Variants in SYT1 observed in about 807,000 individuals in gnomAD.
SYT1 encodes synaptotagmin-1.
In SYT1, 8 loss-of-function variants were observed where a neutral mutation model predicts 44.8. That is an observed-to-expected ratio of 0.18 (90% CI 0.10 to 0.32). The LOEUF (loss-of-function observed/expected upper bound fraction) is 0.32. Ranked by LOEUF, SYT1 falls within the 10% of genes least tolerant of loss-of-function variation. The pLI, the probability that SYT1 is intolerant of heterozygous loss-of-function variation, is 1.00. For synonymous variants in SYT1, 154 were observed against 188.8 expected, an observed-to-expected ratio of 0.82 and a Z score of 1.51; for missense variants, 286 against 509.3, an observed-to-expected ratio of 0.56 and a Z score of 4.22.
At chr12:79,442,895 A>AT (rs550140275) in intron 9 of SYT1, among the ~76,000 whole-genome samples, 14 of 151,646 alleles carry the variant, frequency 9.2e-5, no homozygotes, top group South Asian at 4.2e-4. Context: ...CTAGATTTAA[A>AT]TTTTTTTTTC....
chr12:79,223,752 A>G lies in SYT1; in HGVS notation c.166+6067A>G, dbSNP rs147275865. ...ATACGAGCCTGAAGCCTGGGGCTTT[A>G]TGGTCCCTCCTGGCACCAGGGCAAG... On this transcript the variant is annotated intron_variant, in intron 4 of 10. Coordinates refer to ENST00000261205, the MANE Select transcript of SYT1 (RefSeq NM_005639.3). 4.1e-3 allele frequency among the ~76,000 whole-genome samples: 618 copies of G among 152,246 alleles called. 3 individuals are homozygous for G. Among genetic ancestry groups the G allele is most frequent in the African/African-American group, 0.014 (582 of 41,556 alleles).
chr12:78,876,933 A>G (rs1178158442), intron 1 of SYT1, among the ~76,000 whole-genome samples: 2 of 49,116 alleles, frequency 4.1e-5, no homozygotes, highest in East Asian at 5.2e-4. Flanking sequence ...TATATATTAT[A>G]TATTATATAT....
intron 3 of SYT1, among the ~76,000 whole-genome samples, chr12:79,168,854 A>G (rs1871354514): frequency 6.6e-6 from 1 of 152,054 alleles, no homozygotes; most frequent in Non-Finnish European, 1.5e-5. Flanking sequence ...CAGTGATAAT[A>G]ATCAACAGTC....
intron 4 of SYT1, among the ~76,000 whole-genome samples, chr12:79,236,776 A>G (rs1424001933): frequency 1.3e-5 from 2 of 152,196 alleles, no homozygotes; most frequent in African/African-American, 4.8e-5. Context: ...CATTCTTACA[A>G]TCTGATAAGA....
chr12:78,904,337 A>G (rs1456499158), intron 1 of SYT1, among the ~76,000 whole-genome samples: 1 of 152,180 alleles, frequency 6.6e-6, no homozygotes, highest in African/African-American at 2.4e-5. Context: ...AAGCTTAGAT[A>G]CATTGAAGAG....
chr12:79,332,141 C>T (rs941715797), intron 8 of SYT1, among the ~76,000 whole-genome samples: 1 of 152,168 alleles, frequency 6.6e-6, no homozygotes, highest in Non-Finnish European at 1.5e-5. Context: ...CAGGGTCACT[C>T]CAGCTGTCAG....
intron 1 of SYT1, among the ~76,000 whole-genome samples, chr12:78,947,852 A>G (rs1489328772): frequency 6.6e-6 from 1 of 151,982 alleles, no homozygotes; most frequent in African/African-American, 2.4e-5. Context: ...TGAGAAAAAA[A>G]AAGCCAATAT....
chr12:79,253,133 CA>C (rs1320857967), intron 4 of SYT1, among the ~76,000 whole-genome samples: 1 of 152,076 alleles, frequency 6.6e-6, no homozygotes, highest in Non-Finnish European at 1.5e-5. Context: ...CAATCAATGA[CA>C]AAAAGAAAAA....
At chr12:79,025,898 G>C (rs1872501921) in intron 2 of SYT1, among the ~76,000 whole-genome samples, 1 of 151,432 alleles carries the variant, frequency 6.6e-6, no homozygotes, top group African/African-American at 2.4e-5. Context: ...TTTTGATTTT[G>C]CTAAATAGAA....
At chr12:79,126,825 G>C (rs538205431) in intron 3 of SYT1, among the ~76,000 whole-genome samples, 3 of 152,078 alleles carry the variant, frequency 2.0e-5, no homozygotes, top group Non-Finnish European at 2.9e-5. Flanking sequence ...ATTAGGGTAG[G>C]GTTTACCAGT....
At chr12:79,424,583 A>G (rs1473111102) in intron 9 of SYT1, among the ~76,000 whole-genome samples, 1 of 152,068 alleles carries the variant, frequency 6.6e-6, no homozygotes, top group African/African-American at 2.4e-5. Flanking sequence ...TCATTTGTAC[A>G]GTTTTTCTTG....
At chr12:79,033,015 T>G (rs969672611) in intron 2 of SYT1, among the ~76,000 whole-genome samples, 1 of 151,366 alleles carries the variant, frequency 6.6e-6, no homozygotes, top group Non-Finnish European at 1.5e-5. Flanking sequence ...ATAATCTGCC[T>G]CGAGTTGTAC....
chr12:79,211,607 C>T (rs1291879891), intron 3 of SYT1, among the ~76,000 whole-genome samples: 4 of 133,300 alleles, frequency 3.0e-5, no homozygotes, highest in African/African-American at 1.1e-4. Context: ...CACCCCACAA[C>T]AGTCCCCAGA....
At chr12:79,114,838 AT>A (rs1431627485) in intron 3 of SYT1, among the ~76,000 whole-genome samples, 1 of 152,182 alleles carries the variant, frequency 6.6e-6, no homozygotes, top group African/African-American at 2.4e-5. Flanking sequence ...AGTTTCTACA[AT>A]TGAAAATTTC....
intron 1 of SYT1, among the ~76,000 whole-genome samples, chr12:78,928,141 G>C (rs11610135): frequency 6.6e-6 from 1 of 151,942 alleles, no homozygotes; most frequent in East Asian, 1.9e-4. Flanking sequence ...GGCTGACTTC[G>C]TTAGTAACTA....
rs538195208 is a variant in SYT1, at chr12:79,447,991, T to C, written c.1063-927T>C. On this transcript the variant is annotated intron_variant, in intron 10 of 10. Transcript: ENST00000261205. Reference sequence around the variant, plus strand: ...GTTACATATTCCATTTATTTTAAACTCTTACCTTTACACTCAGCTGCTAGA... The same window carrying C: ...GTTACATATTCCATTTATTTTAAACCCTTACCTTTACACTCAGCTGCTAGA... Among the ~76,000 whole-genome samples, 8 of 152,348 alleles carry C rather than the reference T, an allele frequency of 5.3e-5. No homozygotes were observed. The East Asian group carries it at 1.2e-3, about 22-fold the overall frequency.
intron 9 of SYT1, among the ~76,000 whole-genome samples, chr12:79,410,506 C>CAAAAAAAAAAAAAAAAAA (rs5799432): frequency 2.6e-5 from 2 of 75,918 alleles, no homozygotes; most frequent in Non-Finnish European, 2.4e-5. Context: ...TGTTCAAAGT[C>CAAAAAAAAAAAAAAAAAA]AAAAAAAAAA....
intron 4 of SYT1, among the ~76,000 whole-genome samples, chr12:79,230,339 A>G (rs1025647183): frequency 6.6e-6 from 1 of 152,146 alleles, no homozygotes; most frequent in Non-Finnish European, 1.5e-5. Context: ...CAAGCATTTG[A>G]TTATTTCATT....
At chr12:79,395,631 C>G (rs1357286220) in intron 9 of SYT1, among the ~76,000 whole-genome samples, 1 of 152,104 alleles carries the variant, frequency 6.6e-6, no homozygotes. Flanking sequence ...AAGCAAATCT[C>G]CTGCCTTGGC....
Sources: gnomAD v4.1 joint callset for allele counts (sites outside exome capture counted in the v4.1 genomes callset) on GRCh38, gnomAD v4.1.1 for gene constraint, MANE v1.5 for transcripts, NCBI Gene and HGNC (gene_info 2026-07-23, HGNC 2026-07-21) for gene names.